Variants in CWF19L2 observed in about 807,000 individuals in gnomAD.
CWF19L2 encodes CWF19-like protein 2.
Under a neutral mutation model 111.7 loss-of-function variants are expected in CWF19L2, and 98 were observed. The ratio of observed to expected loss-of-function variants is 0.88; its 90% CI spans 0.75 to 1.04. CWF19L2 has a LOEUF of 1.04. Ranked by LOEUF, CWF19L2 falls within the 50% of genes least tolerant of loss-of-function variation. The pLI is 0.00. For missense variants in CWF19L2, 1,101 were observed against 1,051.4 expected, an observed-to-expected ratio of 1.05 and a Z score of -0.65; for synonymous variants, 351 against 342.9, an observed-to-expected ratio of 1.02 and a Z score of -0.26.
intron 14 of CWF19L2, among the ~76,000 whole-genome samples, chr11:107,346,625 A>T (rs928268082): frequency 6.6e-6 from 1 of 152,198 alleles, no homozygotes; most frequent in African/African-American, 2.4e-5. Flanking sequence ...CCTATTAAAA[A>T]AGCAATCAAC....
chr11:107,433,744 C>A lies in CWF19L2; in HGVS notation c.670G>T (p.Val224Leu). 1 of 1,529,650 alleles carries A rather than the reference C, an allele frequency of 6.5e-7. No homozygotes were observed. The highest frequency in any genetic ancestry group is 1.2e-5 in the South Asian group (1 of 82,946). The allele number at this position is 1,529,650 out of a possible 1,614,324, so 94.8% of individuals were successfully genotyped here. A position where few individuals can be genotyped will look rare whatever the true frequency, so the allele number is the denominator to read the frequency against. Residue 224 changes from valine (V) to leucine (L), a missense_variant, in exon 7 of 18, where the codon GTG becomes TTG. Coordinates refer to ENST00000282251, the MANE Select transcript of CWF19L2 (RefSeq NM_152434.3). ...CSVSSITKVS[V>L]VEDGGLSWLR... The stretch of plus-strand genomic sequence containing the variant: ...CAGCTTAATCCACCATCTTCTACCA[C>A]TGAAACTAAATTCCAGTATTAAATA...
At chr11:107,440,842 G>A (rs993004099) in intron 5 of CWF19L2, among the ~76,000 whole-genome samples, 2 of 152,018 alleles carry the variant, frequency 1.3e-5, no homozygotes, top group African/African-American at 4.8e-5. Context: ...AGATAAATGC[G>A]AACAAAAACA....
chr11:107,329,870 T>C, intron 17 of CWF19L2, 48 bp downstream of exon 17: 1 of 1,390,034 alleles, frequency 7.2e-7, no homozygotes, highest in Non-Finnish European at 9.7e-7. Flanking sequence ...AAAAGAAAAA[T>C]GTTACCAAAT....
chr11:107,363,098 T>C (rs1191022368), intron 12 of CWF19L2, among the ~76,000 whole-genome samples: 3 of 151,812 alleles, frequency 2.0e-5, no homozygotes, highest in Non-Finnish European at 2.9e-5. Flanking sequence ...ATGAATGAAA[T>C]GAAGCGAGAA....
chr11:107,404,235 A>G (rs1861047368), intron 10 of CWF19L2: 1 of 777,948 alleles, frequency 1.3e-6, no homozygotes, highest in Non-Finnish European at 2.4e-6. Flanking sequence ...TCTGCTTCGT[A>G]TCCATTTAAA....
chr11:107,340,609 T>A (rs889463784), intron 14 of CWF19L2, among the ~76,000 whole-genome samples: 2 of 152,204 alleles, frequency 1.3e-5, no homozygotes, highest in Non-Finnish European at 1.5e-5. Flanking sequence ...AGTAATCAGG[T>A]AAGGCTGATT....
At chr11:107,384,960 T>C (rs1034998501) in intron 12 of CWF19L2, among the ~76,000 whole-genome samples, 2 of 152,234 alleles carry the variant, frequency 1.3e-5, no homozygotes, top group African/African-American at 2.4e-5. Context: ...CTATTTGACA[T>C]AACTAAACTA....
chr11:107,425,041 C>A (rs1861354257), intron 8 of CWF19L2, among the ~76,000 whole-genome samples: 1 of 151,718 alleles, frequency 6.6e-6, no homozygotes, highest in Non-Finnish European at 1.5e-5. Context: ...ACCATGACAC[C>A]TGCAATTATC....
intron 8 of CWF19L2, among the ~76,000 whole-genome samples, chr11:107,418,746 A>G (rs1454714393): frequency 6.6e-6 from 1 of 152,188 alleles, no homozygotes; most frequent in Non-Finnish European, 1.5e-5. Flanking sequence ...GCTTTTTTGT[A>G]AAGTCAGTCC....
chr11:107,423,337 T>C (rs1471407952), intron 8 of CWF19L2, among the ~76,000 whole-genome samples: 2 of 151,990 alleles, frequency 1.3e-5, no homozygotes, highest in Non-Finnish European at 2.9e-5. Flanking sequence ...TATGTTTATG[T>C]TTATTATGTG....
At chr11:107,431,059 T>C (rs1441027734) in intron 7 of CWF19L2, among the ~76,000 whole-genome samples, 1 of 151,858 alleles carries the variant, frequency 6.6e-6, no homozygotes, top group Non-Finnish European at 1.5e-5. Flanking sequence ...ACTTTGAATA[T>C]AAGGATACTT....
chr11:107,434,824 G>A (rs1591203056), intron 6 of CWF19L2, among the ~76,000 whole-genome samples: 1 of 152,196 alleles, frequency 6.6e-6, no homozygotes, highest in African/African-American at 2.4e-5. Flanking sequence ...TGACAAGGTA[G>A]TGACTAGAAG....
intron 3 of CWF19L2, among the ~76,000 whole-genome samples, chr11:107,449,170 T>G (rs1472705986): frequency 6.8e-6 from 1 of 148,040 alleles, no homozygotes; most frequent in East Asian, 2.0e-4. Context: ...CACTATAAAC[T>G]TAAAATTCTT....
At chr11:107,404,897 ACT>A (rs200559099) in intron 10 of CWF19L2, among the ~76,000 whole-genome samples, 1,966 of 152,270 alleles carry the variant, frequency 0.013, 25 homozygotes, top group South Asian at 0.038. Context: ...TACAAATCAC[ACT>A]GTTTTGCCAC....
intron 12 of CWF19L2, 89 bp from the exon 13 acceptor site, chr11:107,353,825 T>C (rs1860195287): frequency 2.1e-6 from 2 of 931,956 alleles, no homozygotes; most frequent in Non-Finnish European, 3.3e-6. Flanking sequence ...TATCTGTAAG[T>C]TCTATGATAA....
At chr11:107,418,349 A>C in intron 8 of CWF19L2, 62 bp from the exon 9 acceptor site, 1 of 1,034,892 alleles carries the variant, frequency 9.7e-7, no homozygotes, top group Non-Finnish European at 1.5e-6. Flanking sequence ...CAATAACATC[A>C]AGACTCAAAT....
chr11:107,440,617 C>T (rs565520694), intron 5 of CWF19L2, among the ~76,000 whole-genome samples: 1 of 152,154 alleles, frequency 6.6e-6, no homozygotes, highest in African/African-American at 2.4e-5. Context: ...GAATTGCATA[C>T]TGAGGACAAT....
intron 17 of CWF19L2, among the ~76,000 whole-genome samples, chr11:107,329,187 C>A (rs182250756): frequency 6.6e-6 from 1 of 152,084 alleles, no homozygotes; most frequent in African/African-American, 2.4e-5. Flanking sequence ...GCAATCATTG[C>A]CCAGACTACT....
At chr11:107,442,724 G>GAA (rs1301837482) in intron 4 of CWF19L2, among the ~76,000 whole-genome samples, 10,777 of 117,722 alleles carry the variant, frequency 0.092, 1,240 homozygotes, top group Non-Finnish European at 0.13. Flanking sequence ...GAGAGAGAAA[G>GAA]AGAAAGAAAG....
Sources: gnomAD v4.1 joint callset for allele counts (sites outside exome capture counted in the v4.1 genomes callset) on GRCh38, gnomAD v4.1.1 for gene constraint, MANE v1.5 for transcripts, NCBI Gene and HGNC (gene_info 2026-07-23, HGNC 2026-07-21) for gene names.